Variants in PCYOX1L observed in about 807,000 individuals in gnomAD.
PCYOX1L encodes the protein prenylcysteine oxidase 1-like.
A neutral mutation model predicts 44.1 loss-of-function variants in PCYOX1L; 40 were observed. The ratio of observed to expected loss-of-function variants is 0.91; its 90% CI spans 0.70 to 1.18. The LOEUF (loss-of-function observed/expected upper bound fraction) is 1.18, where lower values mean the gene tolerates loss of function less well. PCYOX1L is among the 50% of genes most tolerant of loss of function. The pLI is 0.00. For missense variants in PCYOX1L, 605 were observed against 653.3 expected (o/e 0.93, Z 0.81); for synonymous variants, 266 against 282.8 (o/e 0.94, Z 0.60).
chr5:149,358,084 C>A lies in PCYOX1L; in HGVS notation c.16C>A (p.Pro6Thr). 7.0e-7 allele frequency: 1 copy of A among 1,432,318 alleles called. No homozygotes were observed. Among genetic ancestry groups the A allele is most frequent in the Non-Finnish European group, 9.1e-7 (1 of 1,094,670 alleles). The allele number at this position is 1,432,318 out of a possible 1,614,324, so 88.7% of individuals were successfully genotyped here. A position where few individuals can be genotyped will look rare whatever the true frequency, so the allele number is the denominator to read the frequency against. The change falls in exon 1 of 6, where the codon CCG becomes ACG. Residue 6 changes from proline (P) to threonine (T), a missense_variant. By Grantham distance (38) the Pro-to-Thr change is conservative. Transcript: ENST00000274569. The part of the protein sequence containing the change: MARAA[P>T]LLAALTALLA... ...GCCGCCCGCCATGGCCCGCGCAGCC[C>A]CGCTGCTCGCCGCGTTGACCGCGCT...
At chr5:149,367,528 G>T in intron 5 of PCYOX1L, 28 bp downstream of exon 5, 3 of 1,608,344 alleles carry the variant, frequency 1.9e-6, no homozygotes, top group Non-Finnish European at 2.5e-6. Context: ...GAGTGGGCAG[G>T]CATGCCATTC....
chr5:149,365,546 TCATC>T, intron 3 of PCYOX1L: 1 of 247,068 alleles, frequency 4.0e-6, no homozygotes, highest in African/African-American at 2.2e-5. Context: ...TTGCAGTGTG[TCATC>T]AGGTCCTAGA....
At chr5:149,361,433 C>G (rs1758007215) in intron 1 of PCYOX1L, among the ~76,000 whole-genome samples, 1 of 152,138 alleles carries the variant, frequency 6.6e-6, no homozygotes, top group Non-Finnish European at 1.5e-5. Context: ...CAAGCCCTGT[C>G]CCAGGAAACA....
At chr5:149,360,065 G>A (rs72838707) in intron 1 of PCYOX1L, among the ~76,000 whole-genome samples, 118 of 152,340 alleles carry the variant, frequency 7.7e-4, no homozygotes, top group Non-Finnish European at 1.5e-3. Context: ...TCCCCAAGAA[G>A]GCTGTGTCCC....
intron 3 of PCYOX1L, 138 bp from the exon 4 acceptor site, chr5:149,365,804 G>A (rs1288233652): frequency 1.4e-6 from 1 of 738,264 alleles, no homozygotes; most frequent in African/African-American, 1.7e-5. Context: ...CAGGGAACAT[G>A]ACCAGCCTCT....
Position 149,358,195 on chromosome 5 carries a change from G to A in PCYOX1L, c.88+39G>A, listed in dbSNP as rs758041972. The A allele has an allele frequency of 4.0e-5, 56 of 1,408,444 alleles. No homozygotes were observed. In the South Asian group the frequency reaches 8.0e-4, roughly 20 times the overall value. The allele number at this position is 1,408,444 out of a possible 1,614,324, so 87.2% of individuals were successfully genotyped here. ...GCGGTGGGGTTCCCAGCTGGGGAGG[G>A]CCGGCGGGTAAAGGGTTCTCAGTTC... On this transcript the variant is annotated intron_variant, in intron 1 of 5. Coordinates refer to ENST00000274569, the MANE Select transcript of PCYOX1L (RefSeq NM_024028.4).
intron 1 of PCYOX1L, among the ~76,000 whole-genome samples, chr5:149,358,620 G>C (rs747439171): frequency 6.6e-6 from 1 of 152,170 alleles, no homozygotes; most frequent in South Asian, 2.1e-4. Context: ...ATGCAGAGGA[G>C]GGGCGCTTCA....
At position 149,364,230 on chromosome 5, in the gene PCYOX1L, G is replaced by A; in HGVS notation, c.470+20G>A. The A allele has an allele frequency of 6.2e-7, 1 of 1,612,858 alleles. No homozygotes were observed. Among genetic ancestry groups the A allele is most frequent in the Non-Finnish European group, 8.5e-7 (1 of 1,179,352 alleles). On this transcript the variant is annotated intron_variant, in intron 3 of 5. Transcript: ENST00000274569. ...CATGAGGTAGGGCTGGCAGAGCTGT[G>A]GGGATGGCGTTCCAGGGGAACCGAG...
chr5:149,368,905 A>T lies in PCYOX1L; in HGVS notation c.*251A>T. 1 of 342,598 alleles carries T rather than the reference A, an allele frequency of 2.9e-6. No homozygotes were observed. Among genetic ancestry groups the T allele is most frequent in the East Asian group, 4.6e-5 (1 of 21,642 alleles). 21.2% of individuals were successfully genotyped at this position (342,598 alleles called of 1,614,324 possible). On this transcript the variant is annotated 3_prime_UTR_variant, in exon 6 of 6. Transcript: ENST00000274569. Reference sequence around the variant, plus strand: ...TATATTTGTTTTATTTATTTTTTTTAAGAAGAAAAAAGTTCATCTTCACAA... The same window carrying T: ...TATATTTGTTTTATTTATTTTTTTTTAGAAGAAAAAAGTTCATCTTCACAA...
intron 2 of PCYOX1L, 164 bp from the exon 3 acceptor site, chr5:149,363,872 G>A (rs963479018): frequency 4.1e-5 from 28 of 677,092 alleles, no homozygotes; most frequent in Admixed American, 1.3e-4. Context: ...TTATTGACTT[G>A]GTAGTCCAAA....
At chr5:149,358,227 A>G in intron 1 of PCYOX1L, 71 bp downstream of exon 1, 1 of 1,335,030 alleles carries the variant, frequency 7.5e-7, no homozygotes, top group East Asian at 3.2e-5. Flanking sequence ...GTTCTCAGCT[A>G]GGTGGGGTAT....
rs530279950 is a variant in PCYOX1L at position 149,368,166 on chromosome 5, G to A, written c.997G>A (p.Val333Ile). The A allele has an allele frequency of 2.2e-5, 35 of 1,613,578 alleles. No individual in the cohort carries two copies. Among genetic ancestry groups the A allele is most frequent in the East Asian group, 8.9e-5 (4 of 44,856 alleles). The change falls in exon 6 of 6, where the codon GTC becomes ATC. Residue 333 changes from valine to isoleucine, a missense_variant. Val to Ile is a conservative substitution (Grantham distance 29). Transcript: ENST00000274569. ...CGTGCAGGGCTCTTTCCAGCCCACC[G>A]TCGTCTCCTTGGTCCACGGCTACCT... Reference protein sequence around the residue: ...DDVQGSFQPTVVSLVHGYLNS... With the variant: ...DDVQGSFQPTIVSLVHGYLNS...
At position 149,358,173 on chromosome 5, in the gene PCYOX1L, G is replaced by A; in HGVS notation, c.88+17G>A. The stretch of plus-strand genomic sequence containing the variant: ...GCAAAATCGGTGCGGGAAGGACGCG[G>A]TGGGGTTCCCAGCTGGGGAGGGCCG... On this transcript the variant is annotated intron_variant, in intron 1 of 5. Coordinates refer to ENST00000274569, the MANE Select transcript of PCYOX1L (RefSeq NM_024028.4). The A allele has an allele frequency of 1.4e-6, 2 of 1,437,478 alleles. No individual in the cohort carries two copies. The highest frequency in any genetic ancestry group is 1.8e-6 in the Non-Finnish European group (2 of 1,096,196). 89.0% of individuals were successfully genotyped at this position (1,437,478 alleles called of 1,614,324 possible).
chr5:149,368,642 G>T lies in PCYOX1L; in HGVS notation c.1473G>T (p.Lys491Asn). Residue 491 changes from lysine to asparagine, a missense_variant, in exon 6 of 6, where the codon AAG (lysine) becomes AAT (asparagine). Physicochemically the swap from Lys to Asn is moderately conservative, Grantham distance 94 (BLOSUM62 0). Coordinates refer to ENST00000274569, the MANE Select transcript of PCYOX1L (RefSeq NM_024028.4). Reference sequence around the variant, plus strand: ...AAAAAGATTTGATGCACAAGGTCAAGACTGAACTGTGAGGGCTCTAGGGAG... The same window carrying T: ...AAAAAGATTTGATGCACAAGGTCAATACTGAACTGTGAGGGCTCTAGGGAG... ...IDQKDLMHKVKTEL is the reference protein window; with the variant it reads ...IDQKDLMHKVNTEL The T allele has an allele frequency of 6.6e-7, 1 of 1,515,058 alleles. No homozygotes were observed. The highest frequency in any genetic ancestry group is 1.3e-5 in the South Asian group (1 of 75,566). The allele number at this position is 1,515,058 out of a possible 1,614,324, so 93.9% of individuals were successfully genotyped here.
chr5:149,364,147 A>T lies in PCYOX1L; in HGVS notation c.407A>T (p.His136Leu). ...CTGAACCTCTTCCGCCTCTGGTGGC[A>T]CTATGGCATCAGCTTCCTGAGGCTG... ...YLLNLFRLWWHYGISFLRLQM... is the reference protein window; with the variant it reads ...YLLNLFRLWWLYGISFLRLQM... The change falls in exon 3 of 6, where the codon CAC (histidine) becomes CTC (leucine). Residue 136 changes from histidine to leucine, a missense_variant. Physicochemically the swap from His to Leu is moderately conservative, Grantham distance 99. Coordinates refer to ENST00000274569, the MANE Select transcript of PCYOX1L (RefSeq NM_024028.4). 2 of 1,614,146 alleles carry T rather than the reference A, an allele frequency of 1.2e-6. No homozygotes were observed. Among genetic ancestry groups the T allele is most frequent in the East Asian group, 4.5e-5 (2 of 44,876 alleles).
In PCYOX1L at chr5:149,368,094, A is replaced by T; in HGVS notation, c.925A>T (p.Ser309Cys). The T allele has an allele frequency of 6.2e-7, 1 of 1,611,904 alleles. No individual in the cohort carries two copies. The highest frequency in any genetic ancestry group is 8.5e-7 in the Non-Finnish European group (1 of 1,178,830). ...CGCCACCCCCCTGCACCTGGACAAC[A>T]GCAGCAGCAACTTAACCTTTGCAGG... The part of the protein sequence containing the change: ...VIATPLHLDN[S>C]SSNLTFAGFH... The change falls in exon 6 of 6, where the codon AGC becomes TGC. Residue 309 changes from serine (S) to cysteine (C), a missense_variant. Coordinates refer to ENST00000274569, the MANE Select transcript of PCYOX1L (RefSeq NM_024028.4).
At chr5:149,367,621 A>G in intron 5 of PCYOX1L, 121 bp downstream of exon 5, 3 of 1,384,508 alleles carry the variant, frequency 2.2e-6, no homozygotes, top group Admixed American at 3.0e-5. Flanking sequence ...CCGAAAAAGC[A>G]TTGAGAAGCC....
At chr5:149,358,314 G>A in intron 1 of PCYOX1L, 158 bp downstream of exon 1, 1 of 1,190,622 alleles carries the variant, frequency 8.4e-7, no homozygotes, top group Admixed American at 4.3e-5. Context: ...GGACGCGGCA[G>A]GGAAGGTCCT....
At chr5:149,366,835 T>C (rs1758226804) in intron 4 of PCYOX1L, among the ~76,000 whole-genome samples, 1 of 152,182 alleles carries the variant, frequency 6.6e-6, no homozygotes, top group Non-Finnish European at 1.5e-5. Context: ...CCTTGCTCAC[T>C]CTTTCAGTAT....
Sources: gnomAD v4.1 joint callset for allele counts (sites outside exome capture counted in the v4.1 genomes callset) on GRCh38, gnomAD v4.1.1 for gene constraint, MANE v1.5 for transcripts, NCBI Gene and HGNC (gene_info 2026-07-23, HGNC 2026-07-21) for gene names.